XRCC4: variants seen among roughly 807,000 people sequenced by gnomAD.
XRCC4 encodes the protein DNA repair protein XRCC4.
A neutral mutation model predicts 39.1 loss-of-function variants in XRCC4; 28 were observed. The observed-to-expected ratio is 0.72, with a 90% CI of 0.53 to 0.98. XRCC4 has a LOEUF of 0.98. Ranked by LOEUF, XRCC4 falls within the 50% of genes least tolerant of loss-of-function variation. The pLI is 0.00. For synonymous variants in XRCC4, 123 were observed against 126.4 expected (o/e 0.97, Z 0.18); for missense variants, 350 against 376.4 (o/e 0.93, Z 0.58).
chr5:83,355,810 G>A (rs1254120532), downstream of XRCC4, among the ~76,000 whole-genome samples: 4 of 152,074 alleles, frequency 2.6e-5, no homozygotes, highest in African/African-American at 9.7e-5. Context: ...CTAATTTTTT[G>A]TATTTTTAGT....
intron 6 of XRCC4, among the ~76,000 whole-genome samples, chr5:83,211,509 G>C (rs1297074848): frequency 1.3e-5 from 2 of 152,200 alleles, no homozygotes; most frequent in African/African-American, 4.8e-5. Flanking sequence ...AGACTGAAGA[G>C]AGGGCCCAAG....
intron 6 of XRCC4, among the ~76,000 whole-genome samples, chr5:83,227,378 C>T (rs1246179616): frequency 6.6e-6 from 1 of 151,916 alleles, no homozygotes; most frequent in Non-Finnish European, 1.5e-5. Context: ...TGTAATATAC[C>T]TTGAAAGTAC....
intron 6 of XRCC4, among the ~76,000 whole-genome samples, chr5:83,236,846 G>A (rs866944910): frequency 3.3e-5 from 5 of 149,504 alleles, no homozygotes; most frequent in South Asian, 2.1e-4. Flanking sequence ...AATATATAAG[G>A]AGCTCAAACA....
intron 4 of XRCC4, chr5:83,202,055 A>AT (rs1323992127): frequency 6.6e-6 from 1 of 151,698 alleles, no homozygotes; most frequent in Non-Finnish European, 1.5e-5. Context: ...AAAAAAAAAA[A>AT]ACAAAAAACC....
chr5:83,332,674 G>A (rs1323817460), intron 7 of XRCC4, among the ~76,000 whole-genome samples: 1 of 152,112 alleles, frequency 6.6e-6, no homozygotes, highest in Non-Finnish European at 1.5e-5. Context: ...TTGTTGTTTT[G>A]AGAAAAATTT....
At chr5:83,228,410 C>T (rs1752372716) in intron 6 of XRCC4, among the ~76,000 whole-genome samples, 3 of 151,852 alleles carry the variant, frequency 2.0e-5, no homozygotes, top group African/African-American at 7.3e-5. Flanking sequence ...TCTAGGGTCC[C>T]ACTTGTGTAA....
At chr5:83,089,913 G>A (rs1745344445) in intron 1 of XRCC4, among the ~76,000 whole-genome samples, 1 of 152,070 alleles carries the variant, frequency 6.6e-6, no homozygotes, top group African/African-American at 2.4e-5. Context: ...TAGAACTTAG[G>A]AACAGCCAAA....
At chr5:83,324,322 T>C (rs2112143018) in intron 7 of XRCC4, among the ~76,000 whole-genome samples, 1 of 152,258 alleles carries the variant, frequency 6.6e-6, no homozygotes, top group African/African-American at 2.4e-5. Flanking sequence ...GAAAGACACA[T>C]GTGCATTAGA....
At chr5:83,167,922 G>C (rs1206339700) in intron 3 of XRCC4, among the ~76,000 whole-genome samples, 1 of 152,142 alleles carries the variant, frequency 6.6e-6, no homozygotes, top group East Asian at 1.9e-4. Context: ...CATAAAACAT[G>C]AAGTAATGGG....
At chr5:83,352,732 T>G (rs1438715892) in intron 7 of XRCC4, among the ~76,000 whole-genome samples, 3 of 152,178 alleles carry the variant, frequency 2.0e-5, no homozygotes, top group African/African-American at 7.2e-5. Context: ...GCTAAGAGAT[T>G]AAAATGCATG....
At chr5:83,312,629 A>G (rs866409456) in intron 7 of XRCC4, among the ~76,000 whole-genome samples, 47 of 152,154 alleles carry the variant, frequency 3.1e-4, no homozygotes, top group African/African-American at 1.1e-3. Context: ...GTTGGAAATG[A>G]ATTTAGGAAT....
the XRCC4 span, among the ~76,000 whole-genome samples, chr5:83,372,755 A>G: frequency 6.6e-6 from 1 of 152,212 alleles, no homozygotes; most frequent in Non-Finnish European, 1.5e-5. Context: ...CCTCATACTC[A>G]AAAAACTGGG....
intron 7 of XRCC4, among the ~76,000 whole-genome samples, chr5:83,341,568 C>T (rs2112202219): frequency 6.6e-6 from 1 of 152,102 alleles, no homozygotes; most frequent in Non-Finnish European, 1.5e-5. Flanking sequence ...TACAGAACTA[C>T]CTTTTGAGAC....
At chr5:83,313,997 C>A (rs780310370) in intron 7 of XRCC4, among the ~76,000 whole-genome samples, 6 of 151,984 alleles carry the variant, frequency 3.9e-5, no homozygotes, top group African/African-American at 7.2e-5. Flanking sequence ...TGTGTCCAAC[C>A]AAGAACACAA....
chr5:83,154,037 A>G (rs886537959), intron 3 of XRCC4, among the ~76,000 whole-genome samples: 1 of 152,178 alleles, frequency 6.6e-6, no homozygotes, highest in African/African-American at 2.4e-5. Flanking sequence ...TTGGAAGCAG[A>G]TATATCTTTA....
intron 3 of XRCC4, among the ~76,000 whole-genome samples, chr5:83,133,871 C>G (rs1053847569): frequency 1.3e-5 from 2 of 152,204 alleles, no homozygotes; most frequent in Non-Finnish European, 2.9e-5. Flanking sequence ...CCCTTCAGGC[C>G]ACCACTGCAT....
chr5:83,289,880 CAGG>C (rs571931307), intron 7 of XRCC4, among the ~76,000 whole-genome samples: 211 of 151,896 alleles, frequency 1.4e-3, no homozygotes, highest in Non-Finnish European at 2.7e-3. Context: ...CTGGCAGAAT[CAGG>C]AGAAGCTCTT....
At chr5:83,103,297 A>G (rs546093436) in intron 1 of XRCC4, among the ~76,000 whole-genome samples, 2 of 152,156 alleles carry the variant, frequency 1.3e-5, no homozygotes, top group Non-Finnish European at 2.9e-5. Flanking sequence ...TACTTAACAA[A>G]TGGATGATGG....
intron 7 of XRCC4, among the ~76,000 whole-genome samples, chr5:83,324,688 G>C (rs1429866126): frequency 1.3e-5 from 2 of 152,074 alleles, no homozygotes; most frequent in Non-Finnish European, 2.9e-5. Flanking sequence ...GTTCATGCCA[G>C]TGGGGTATTC....
Sources: allele counts gnomAD v4.1 joint callset (sites outside exome capture counted in the v4.1 genomes callset), GRCh38; gene constraint gnomAD v4.1.1; transcripts MANE v1.5; gene names NCBI Gene and HGNC (gene_info 2026-07-23, HGNC 2026-07-21).